Variants in TRPM3 observed in about 807,000 individuals in gnomAD.
TRPM3 encodes the protein transient receptor potential cation channel subfamily M member 3, also known as long transient receptor potential channel 3.
In TRPM3, 77 loss-of-function variants were observed where a neutral mutation model predicts 181.2. The ratio of observed to expected loss-of-function variants is 0.42; its 90% confidence interval spans 0.35 to 0.51. TRPM3 has a LOEUF of 0.51. Among genes scored for constraint, TRPM3 ranks in the 20% least tolerant of loss-of-function variants. The pLI, the probability that TRPM3 is intolerant of heterozygous loss-of-function variation, is 0.01. For synonymous variants in TRPM3, 745 were observed against 796.4 expected, an observed-to-expected ratio of 0.94 and a Z score of 1.09; for missense variants, 1,759 against 2,196.7, an observed-to-expected ratio of 0.80 and a Z score of 3.98.
intron 25 of TRPM3, among the ~76,000 whole-genome samples, chr9:70,548,999 T>G (rs572854897): frequency 6.6e-6 from 1 of 152,324 alleles, no homozygotes; most frequent in African/African-American, 2.4e-5. Flanking sequence ...ATTATTTTTT[T>G]TTGCTTTCAT....
intron 1 of TRPM3, among the ~76,000 whole-genome samples, chr9:71,049,217 C>A (rs1236639985): frequency 1.3e-5 from 2 of 152,018 alleles, no homozygotes; most frequent in Non-Finnish European, 2.9e-5. Flanking sequence ...TGAGGCACAA[C>A]CCGACTCCCT....
At chr9:70,942,467 T>C (rs368846984) in intron 1 of TRPM3, among the ~76,000 whole-genome samples, 3 of 152,212 alleles carry the variant, frequency 2.0e-5, no homozygotes, top group African/African-American at 4.8e-5. Context: ...CATTGGTACA[T>C]TGCACAAGTT....
At chr9:70,698,546 G>C (rs550924588) in intron 8 of TRPM3, among the ~76,000 whole-genome samples, 1 of 152,134 alleles carries the variant, frequency 6.6e-6, no homozygotes, top group Non-Finnish European at 1.5e-5. Flanking sequence ...CAGTAAAAGC[G>C]GGTGAGTTTT....
intron 8 of TRPM3, 124 bp downstream of exon 8, chr9:70,761,477 C>A (rs1017732187): frequency 7.3e-7 from 1 of 1,365,902 alleles, no homozygotes; most frequent in Admixed American, 1.8e-5. Context: ...GCCAATGGAG[C>A]CTGAGGAGAG....
At chr9:70,947,872 T>C (rs1185287344) in intron 1 of TRPM3, among the ~76,000 whole-genome samples, 1 of 152,188 alleles carries the variant, frequency 6.6e-6, no homozygotes, top group African/African-American at 2.4e-5. Flanking sequence ...TGTTAACACA[T>C]GAACAGGTAT....
chr9:71,006,074 A>G (rs1002504113), intron 1 of TRPM3, among the ~76,000 whole-genome samples: 2 of 152,188 alleles, frequency 1.3e-5, no homozygotes, highest in Non-Finnish European at 2.9e-5. Context: ...TCTTTGTTAC[A>G]CTTCTTTTGT....
intron 8 of TRPM3, among the ~76,000 whole-genome samples, chr9:70,738,564 C>G (rs1055515757): frequency 3.3e-5 from 5 of 152,036 alleles, no homozygotes; most frequent in Non-Finnish European, 7.4e-5. Context: ...TCTAAGGTCA[C>G]ACATCAAGAA....
chr9:71,381,886 G>A (rs1435989858), intron 1 of TRPM3, among the ~76,000 whole-genome samples: 1 of 152,102 alleles, frequency 6.6e-6, no homozygotes, highest in Non-Finnish European at 1.5e-5. Flanking sequence ...CCTGGGTTCA[G>A]CAAATGTTAA....
At chr9:71,365,734 T>C (rs1468716759) in intron 1 of TRPM3, among the ~76,000 whole-genome samples, 1 of 152,194 alleles carries the variant, frequency 6.6e-6, no homozygotes, top group African/African-American at 2.4e-5. Flanking sequence ...TTCCTACTTA[T>C]GTGGCTTTGA....
intron 1 of TRPM3, among the ~76,000 whole-genome samples, chr9:71,311,576 C>A (rs1271858698): frequency 3.9e-5 from 6 of 151,960 alleles, no homozygotes; most frequent in Non-Finnish European, 8.8e-5. Context: ...AAAACTGAAT[C>A]TAGATACAGA....
chr9:70,651,841 T>G (rs902321835), intron 9 of TRPM3, among the ~76,000 whole-genome samples: 1 of 152,218 alleles, frequency 6.6e-6, no homozygotes. Flanking sequence ...CATGTCTACG[T>G]TGGAAGTCCT....
At chr9:70,958,813 A>ACAT (rs1374783454) in intron 1 of TRPM3, among the ~76,000 whole-genome samples, 6 of 151,638 alleles carry the variant, frequency 4.0e-5, no homozygotes, top group Admixed American at 1.3e-4. Flanking sequence ...TACACCATGG[A>ACAT]ATACTATGTA....
chr9:71,423,001 G>A (rs1045722142), intron 1 of TRPM3, among the ~76,000 whole-genome samples: 1 of 152,026 alleles, frequency 6.6e-6, no homozygotes, highest in African/African-American at 2.4e-5. Flanking sequence ...CTAGGTCTCA[G>A]CCCAGTAAAC....
chr9:70,955,278 G>A (rs1307559013), intron 1 of TRPM3, among the ~76,000 whole-genome samples: 1 of 152,104 alleles, frequency 6.6e-6, no homozygotes, highest in East Asian at 1.9e-4. Flanking sequence ...CTTGTTGGAG[G>A]CTGTTTCCAT....
At chr9:71,335,956 T>C (rs957939446) in intron 1 of TRPM3, among the ~76,000 whole-genome samples, 6 of 152,040 alleles carry the variant, frequency 3.9e-5, no homozygotes, top group East Asian at 1.9e-4. Context: ...GATTGATCAG[T>C]CCAGGAGAAA....
chr9:70,543,933 G>A (rs951865704), intron 25 of TRPM3, among the ~76,000 whole-genome samples: 16 of 152,288 alleles, frequency 1.1e-4, no homozygotes, highest in Admixed American at 7.2e-4. Flanking sequence ...GACGATTGAC[G>A]CAGGGACTCA....
chr9:71,271,719 G>C (rs945400050), intron 1 of TRPM3, among the ~76,000 whole-genome samples: 3 of 152,028 alleles, frequency 2.0e-5, no homozygotes, highest in Non-Finnish European at 4.4e-5. Flanking sequence ...GTACCTCCAT[G>C]GATTTCTCAA....
chr9:70,758,861 C>T (rs1201522029), intron 8 of TRPM3, among the ~76,000 whole-genome samples: 1 of 152,144 alleles, frequency 6.6e-6, no homozygotes, highest in African/African-American at 2.4e-5. Context: ...AATGTTGGAC[C>T]TAAAACCATA....
Position 70,863,059 on chromosome 9 carries a change from G to A in TRPM3, c.311C>T (p.Ser104Phe). The change falls in exon 3 of 26, where the codon TCC (serine) becomes TTC (phenylalanine). Residue 104 changes from serine to phenylalanine, a missense_variant. This residue lies in a region of TRPM3 where 737 missense variants were observed against 957.4 expected (regional missense o/e 0.77). Coordinates refer to ENST00000677713, the MANE Select transcript of TRPM3 (RefSeq NM_001366145.2). ...GQHVGLTPSI[S>F]VLQNEKNESR... ...TTCATTTTTCTCATTCTGAAGCACG[G>A]AGATACTGGGGGTGAGGCCAACATG... 6.2e-7 allele frequency: 1 copy of A among 1,613,622 alleles called. No homozygotes were observed. The highest frequency in any genetic ancestry group is 8.5e-7 in the Non-Finnish European group (1 of 1,179,722).
Sources: gnomAD v4.1 joint callset for allele counts (sites outside exome capture counted in the v4.1 genomes callset) on GRCh38, gnomAD v4.1.1 for gene constraint, gnomAD v4.1.1 regional missense constraint, MANE v1.5 for transcripts, NCBI Gene and HGNC (gene_info 2026-07-23, HGNC 2026-07-21) for gene names.